LRP6: variants seen among roughly 807,000 people sequenced by gnomAD.
LRP6 encodes low-density lipoprotein receptor-related protein 6.
A neutral mutation model predicts 184.1 loss-of-function variants in LRP6; 43 were observed. The ratio of observed to expected loss-of-function variants is 0.23; its 90% confidence interval spans 0.18 to 0.30. The LOEUF (loss-of-function observed/expected upper bound fraction) is 0.30. Ranked by LOEUF, LRP6 falls within the 10% of genes least tolerant of loss-of-function variation. LRP6 has a pLI of 1.00. For synonymous variants in LRP6, 719 were observed against 684.9 expected (o/e 1.05, Z -0.78); for missense variants, 1,571 against 2,005.3 (o/e 0.78, Z 4.14).
At chr12:12,146,996 G>C (rs1427082437) in intron 15 of LRP6, among the ~76,000 whole-genome samples, 1 of 152,058 alleles carries the variant, frequency 6.6e-6, no homozygotes, top group Non-Finnish European at 1.5e-5. Context: ...ACTAAAAATA[G>C]AAAAAATTAG....
intron 2 of LRP6, among the ~76,000 whole-genome samples, chr12:12,204,899 G>A (rs565466896): frequency 3.6e-4 from 53 of 148,470 alleles, no homozygotes; most frequent in African/African-American, 1.1e-3. Flanking sequence ...CCTGGGAGGC[G>A]GAGGGTGCAG....
intron 2 of LRP6, among the ~76,000 whole-genome samples, chr12:12,213,248 T>G (rs1864256443): frequency 6.6e-6 from 1 of 152,154 alleles, no homozygotes; most frequent in Admixed American, 6.5e-5. Flanking sequence ...TGTATACTCT[T>G]ATATTTCCAT....
At chr12:12,254,158 A>AAAAAAAAG (rs1565721103) in intron 1 of LRP6, among the ~76,000 whole-genome samples, 3 of 149,810 alleles carry the variant, frequency 2.0e-5, no homozygotes, top group Non-Finnish European at 1.5e-5. Flanking sequence ...AAAAAAAAAA[A>AAAAAAAAG]AAAAAAAGAA....
chr12:12,126,865 C>T lies in LRP6; in HGVS notation c.4138G>A (p.Val1380Ile), dbSNP rs200961996. The T allele has an allele frequency of 7.1e-5, 114 of 1,614,128 alleles. 1 individual carries two copies. The East Asian group carries it at 1.8e-3, about 26-fold the overall frequency. Reference protein sequence around the residue: ...ATNTVGSVIGVIVTIFVSGTV... With the variant: ...ATNTVGSVIGIIVTIFVSGTV... The stretch of plus-strand genomic sequence containing the variant: ...CCAGACACAAAAATGGTGACAATTA[C>T]GCCAATAACAGAACCAACTGTATTG... The change falls in exon 20 of 23, where the codon GTA becomes ATA. Residue 1380 changes from valine to isoleucine, a missense_variant. This residue lies in a region of LRP6 where 763 missense variants were observed against 859.5 expected (regional missense o/e 0.89). Coordinates refer to ENST00000261349, the MANE Select transcript of LRP6 (RefSeq NM_002336.3).
intron 7 of LRP6, among the ~76,000 whole-genome samples, chr12:12,177,496 G>C (rs557342935): frequency 6.6e-6 from 1 of 152,176 alleles, no homozygotes; most frequent in South Asian, 2.1e-4. Context: ...ACTAGTCTCA[G>C]GATGGAAAAC....
intron 1 of LRP6, among the ~76,000 whole-genome samples, chr12:12,259,703 T>G (rs1565730033): frequency 6.6e-6 from 1 of 152,248 alleles, no homozygotes; most frequent in South Asian, 2.1e-4. Flanking sequence ...CAAATTGTAT[T>G]TTAAAATAAA....
In LRP6 at chr12:12,179,827, T is replaced by C. The variant is rs762597811; in HGVS notation, c.1528A>G (p.Lys510Glu). The change falls in exon 7 of 23, where the codon AAA (lysine) becomes GAA (glutamate). Residue 510 changes from lysine (K) to glutamate (E), a missense_variant. By Grantham distance (56) the Lys-to-Glu change is moderately conservative. This residue lies in a region of LRP6 where 640 missense variants were observed against 851.9 expected (regional missense o/e 0.75). Transcript: ENST00000261349. ...AAACAAACCTCAATCTTGTCTGTTT[T>C]GGCATCTCCCCAGTATATTTTGCCT... ...DEGKIYWGDA[K>E]TDKIEVMNTD... 1.2e-6 allele frequency: 2 copies of C among 1,613,742 alleles called. No individual in the cohort carries two copies. Among genetic ancestry groups the C allele is most frequent in the African/African-American group, 2.7e-5 (2 of 74,920 alleles).
intron 21 of LRP6, 27 bp downstream of exon 21, chr12:12,125,269 G>C: frequency 6.2e-7 from 1 of 1,612,158 alleles, no homozygotes; most frequent in Non-Finnish European, 8.5e-7. Context: ...TATGTATGTC[G>C]CATTCAAAGG....
At chr12:12,164,194 G>T in intron 9 of LRP6, 79 bp downstream of exon 9, 1 of 1,315,452 alleles carries the variant, frequency 7.6e-7, no homozygotes, top group Non-Finnish European at 1.1e-6. Flanking sequence ...AGGGAGGTGG[G>T]TCACAGCATG....
intron 12 of LRP6, chr12:12,155,296 G>T (rs551487850): frequency 1.1e-5 from 8 of 753,420 alleles, no homozygotes; most frequent in Non-Finnish European, 1.9e-5. Flanking sequence ...AGAGGCACCC[G>T]ATACGTGTTC....
chr12:12,172,562 T>C (rs1176722212), intron 7 of LRP6, among the ~76,000 whole-genome samples: 1 of 152,216 alleles, frequency 6.6e-6, no homozygotes, highest in East Asian at 1.9e-4. Context: ...TATAAAGTTC[T>C]AGAAGAGAAA....
chr12:12,155,786 A>C, intron 12 of LRP6: 1 of 836,334 alleles, frequency 1.2e-6, no homozygotes, highest in East Asian at 2.4e-5. Context: ...GTGTTAAAAA[A>C]ATAAAAGACT....
At chr12:12,161,849 T>C (rs1049534420) in intron 10 of LRP6, among the ~76,000 whole-genome samples, 1 of 152,174 alleles carries the variant, frequency 6.6e-6, no homozygotes, top group Non-Finnish European at 1.5e-5. Flanking sequence ...TTTACTTCAA[T>C]AGGCTTGGAA....
At chr12:12,242,419 A>G (rs982404306) in intron 2 of LRP6, among the ~76,000 whole-genome samples, 1 of 152,196 alleles carries the variant, frequency 6.6e-6, no homozygotes, top group Non-Finnish European at 1.5e-5. Context: ...GTAAAATTGA[A>G]CTTGTCAAGA....
intron 12 of LRP6, among the ~76,000 whole-genome samples, chr12:12,156,672 A>C (rs1467523285): frequency 1.3e-5 from 2 of 152,338 alleles, no homozygotes; most frequent in South Asian, 2.1e-4. Context: ...CACTTTACCC[A>C]AAAATCCAGT....
intron 2 of LRP6, among the ~76,000 whole-genome samples, chr12:12,221,853 C>T (rs1015398588): frequency 5.3e-5 from 8 of 152,116 alleles, no homozygotes; most frequent in Admixed American, 1.3e-4. Flanking sequence ...GGGAGGATGA[C>T]TTAAAATATT....
Position 12,148,931 on chromosome 12 carries a change from T to G in LRP6, c.3206+11A>C. The stretch of plus-strand genomic sequence containing the variant: ...AAGCCACAGTATCTGAACGCCACTT[T>G]AGTAACATACCCTTTCTCTGGGTTT... On this transcript the variant is annotated intron_variant, in intron 14 of 22. Coordinates refer to ENST00000261349, the MANE Select transcript of LRP6 (RefSeq NM_002336.3). 1 of 1,607,820 alleles carries G rather than the reference T, an allele frequency of 6.2e-7. No individual in the cohort carries two copies. The highest frequency in any genetic ancestry group is 8.5e-7 in the Non-Finnish European group (1 of 1,175,522).
chr12:12,252,627 C>T (rs992315782), intron 1 of LRP6, among the ~76,000 whole-genome samples: 2 of 152,116 alleles, frequency 1.3e-5, no homozygotes. Context: ...ATAATGTCAT[C>T]AGTCATAATT....
At chr12:12,187,153 T>G (rs775286804) in intron 3 of LRP6, 34 bp from the exon 4 acceptor site, 2 of 1,574,038 alleles carry the variant, frequency 1.3e-6, no homozygotes, top group Non-Finnish European at 1.7e-6. Context: ...TAAACTTATT[T>G]CTAAATTTTC....
Sources: gnomAD v4.1 joint callset for allele counts (sites outside exome capture counted in the v4.1 genomes callset) on GRCh38, gnomAD v4.1.1 for gene constraint, gnomAD v4.1.1 regional missense constraint, MANE v1.5 for transcripts, NCBI Gene and HGNC (gene_info 2026-07-23, HGNC 2026-07-21) for gene names.